Variants in TRHDE observed in about 807,000 individuals in gnomAD.
The protein encoded by TRHDE is thyrotropin releasing hormone degrading enzyme, also known as thyrotropin-releasing hormone-degrading ectoenzyme.
TRHDE carries 72 observed loss-of-function variants against 125.7 expected under a neutral mutation model. The observed-to-expected ratio is 0.57, with a 90% CI of 0.47 to 0.70. The LOEUF is 0.70. Among genes scored for constraint, TRHDE ranks in the 30% least tolerant of loss-of-function variants. TRHDE has a pLI of 0.00. For missense variants in TRHDE, 1,110 were observed against 1,327.1 expected (o/e 0.84, Z 2.54); for synonymous variants, 509 against 509.1 (o/e 1.00, Z 0.00).
chr12:72,464,322 A>C (rs1876266630), intron 3 of TRHDE, among the ~76,000 whole-genome samples: 1 of 152,222 alleles, frequency 6.6e-6, no homozygotes, highest in Non-Finnish European at 1.5e-5. Context: ...TTTACAGATA[A>C]TAGAAATTTA....
intron 2 of TRHDE, among the ~76,000 whole-genome samples, chr12:72,251,967 A>C (rs1204274845): frequency 6.6e-6 from 1 of 152,088 alleles, no homozygotes; most frequent in African/African-American, 2.4e-5. Flanking sequence ...ATGTTTGCTC[A>C]TATCAATTTT....
intron 1 of TRHDE, among the ~76,000 whole-genome samples, chr12:72,090,369 C>A (rs890829916): frequency 6.6e-6 from 1 of 152,116 alleles, no homozygotes; most frequent in African/African-American, 2.4e-5. Flanking sequence ...CTATTCACCA[C>A]TGAGGTTTTA....
At chr12:72,371,879 T>G (rs1163809747) in intron 2 of TRHDE, among the ~76,000 whole-genome samples, 1 of 152,204 alleles carries the variant, frequency 6.6e-6, no homozygotes, top group African/African-American at 2.4e-5. Flanking sequence ...TATAGCAGCA[T>G]GATTTATAGT....
chr12:72,176,454 G>A (rs1394846041), intron 2 of TRHDE, among the ~76,000 whole-genome samples: 1 of 152,176 alleles, frequency 6.6e-6, no homozygotes. Context: ...GGCTGTGAGT[G>A]TGGGCAATGA....
In TRHDE at chr12:72,424,241, C is replaced by T. The variant is rs180934803; in HGVS notation, c.1316-45517C>T. The stretch of plus-strand genomic sequence containing the variant: ...TGATACTTGGTGGTCCTTGGCTTGC[C>T]GTTGCCACACTCCAGTCTCTGCCTC... On this transcript the variant is annotated intron_variant, in intron 3 of 18. Transcript: ENST00000261180. Among the ~76,000 whole-genome samples, 55 of 152,200 alleles carry T rather than the reference C, an allele frequency of 3.6e-4. No homozygotes were observed. The South Asian group carries it at 6.2e-3, about 17-fold the overall frequency.
intron 12 of TRHDE, among the ~76,000 whole-genome samples, chr12:72,581,412 G>A (rs988228094): frequency 6.6e-6 from 1 of 152,194 alleles, no homozygotes; most frequent in East Asian, 1.9e-4. Flanking sequence ...GGAAAATTGT[G>A]TATACCCAAA....
At chr12:72,223,959 G>A (rs936042120) in intron 2 of TRHDE, among the ~76,000 whole-genome samples, 1 of 151,678 alleles carries the variant, frequency 6.6e-6, no homozygotes, top group Non-Finnish European at 1.5e-5. Flanking sequence ...TATCCCTTGG[G>A]GTATTGAGGC....
chr12:72,511,213 G>A (rs1295415073), intron 6 of TRHDE, among the ~76,000 whole-genome samples: 1 of 151,982 alleles, frequency 6.6e-6, no homozygotes, highest in Non-Finnish European at 1.5e-5. Flanking sequence ...AATTCCTCCT[G>A]AATATTAACT....
upstream of TRHDE, among the ~76,000 whole-genome samples, chr12:72,267,670 TAAAAATA>T (rs1378373858): frequency 3.8e-4 from 57 of 151,716 alleles, no homozygotes; most frequent in Non-Finnish European, 7.4e-5. Flanking sequence ...TAATAAAAAG[TAAAAATA>T]AAAAATGAAA....
intron 3 of TRHDE, among the ~76,000 whole-genome samples, chr12:72,437,262 C>T (rs947436349): frequency 1.3e-5 from 2 of 151,754 alleles, no homozygotes; most frequent in African/African-American, 2.4e-5. Flanking sequence ...AGAATGAATG[C>T]TCTGTGGAAG....
At chr12:72,201,520 T>G (rs1038571864) in intron 2 of TRHDE, among the ~76,000 whole-genome samples, 4 of 152,198 alleles carry the variant, frequency 2.6e-5, no homozygotes, top group Admixed American at 6.5e-5. Flanking sequence ...CCAGACCCTC[T>G]GAGAAGAGTC....
intron 3 of TRHDE, among the ~76,000 whole-genome samples, chr12:72,453,189 G>A (rs144448639): frequency 3.3e-5 from 5 of 152,256 alleles, no homozygotes; most frequent in South Asian, 2.1e-4. Context: ...GATAGTGATA[G>A]GAACAGTAAA....
intron 2 of TRHDE, among the ~76,000 whole-genome samples, chr12:72,368,278 T>G (rs1592393928): frequency 6.6e-6 from 1 of 152,200 alleles, no homozygotes; most frequent in Non-Finnish European, 1.5e-5. Flanking sequence ...TAAGGTACAT[T>G]AAGTTATTAG....
chr12:72,397,616 G>T (rs770218066), intron 3 of TRHDE, among the ~76,000 whole-genome samples: 7 of 152,048 alleles, frequency 4.6e-5, no homozygotes, highest in Non-Finnish European at 1.0e-4. Flanking sequence ...TTATTTGAAT[G>T]CATCACTTTT....
At chr12:72,408,760 C>T (rs1023626603) in intron 3 of TRHDE, among the ~76,000 whole-genome samples, 3 of 152,010 alleles carry the variant, frequency 2.0e-5, no homozygotes, top group Non-Finnish European at 2.9e-5. Flanking sequence ...AGTAAAAACT[C>T]AATAGATGAA....
At chr12:72,332,877 C>T (rs2135721502) in intron 2 of TRHDE, among the ~76,000 whole-genome samples, 1 of 152,312 alleles carries the variant, frequency 6.6e-6, no homozygotes, top group Non-Finnish European at 1.5e-5. Context: ...TCAGAATCCA[C>T]ATTTAAACGA....
intron 3 of TRHDE, among the ~76,000 whole-genome samples, chr12:72,459,813 T>C (rs1205584065): frequency 6.6e-6 from 1 of 152,154 alleles, no homozygotes; most frequent in Non-Finnish European, 1.5e-5. Context: ...GAACAATGTC[T>C]GACTATGTTG....
At chr12:72,564,792 G>T (rs1012414975) in intron 9 of TRHDE, among the ~76,000 whole-genome samples, 1 of 137,074 alleles carries the variant, frequency 7.3e-6, no homozygotes, top group Non-Finnish European at 1.5e-5. Context: ...CTCAGCCTCC[G>T]GAGTAGCTGG....
intron 3 of TRHDE, among the ~76,000 whole-genome samples, chr12:72,403,369 A>G (rs1873128344): frequency 6.6e-6 from 1 of 152,174 alleles, no homozygotes; most frequent in Non-Finnish European, 1.5e-5. Flanking sequence ...AGACTAAATT[A>G]TTTTGTCATC....
Sources: gnomAD v4.1 joint callset for allele counts (sites outside exome capture counted in the v4.1 genomes callset) on GRCh38, gnomAD v4.1.1 for gene constraint, MANE v1.5 for transcripts, NCBI Gene and HGNC (gene_info 2026-07-23, HGNC 2026-07-21) for gene names.